Variants in EDAR observed in about 807,000 individuals in gnomAD.
The protein encoded by EDAR is tumor necrosis factor receptor superfamily member EDAR.
Under a neutral mutation model 51.3 loss-of-function variants are expected in EDAR, and 38 were observed. The ratio of observed to expected loss-of-function variants is 0.74; its 90% CI spans 0.57 to 0.97. EDAR has a LOEUF of 0.97. Ranked by LOEUF, EDAR falls within the 50% of genes least tolerant of loss-of-function variation. The pLI, the probability that EDAR is intolerant of heterozygous loss-of-function variation, is 0.00. For synonymous variants in EDAR, 227 were observed against 242.1 expected, an observed-to-expected ratio of 0.94 and a Z score of 0.58; for missense variants, 528 against 595.0, an observed-to-expected ratio of 0.89 and a Z score of 1.17.
chr2:108,921,477 T>C (rs1223532076), intron 5 of EDAR, among the ~76,000 whole-genome samples: 1 of 152,226 alleles, frequency 6.6e-6, no homozygotes, highest in East Asian at 1.9e-4. Flanking sequence ...AGAGGTGCTC[T>C]TGACCACAAC....
Position 108,910,550 on chromosome 2 carries a change from G to A in EDAR, c.731-18C>T, listed in dbSNP as rs777861610. The A allele has an allele frequency of 4.4e-6, 7 of 1,605,848 alleles. No homozygotes were observed. The African/African-American group carries it at 8.0e-5, about 18-fold the overall frequency. ...CACGTTGTCTGCAGGGAAATGGGGA[G>A]GTTGGGGAGATAGGAGTTAGAATTG... On this transcript the variant is annotated intron_variant, in intron 8 of 11. Transcript: ENST00000258443.
chr2:108,966,807 T>C (rs1698157297), intron 1 of EDAR, among the ~76,000 whole-genome samples: 1 of 152,214 alleles, frequency 6.6e-6, no homozygotes, highest in South Asian at 2.1e-4. Context: ...ATTGATTGCC[T>C]GGGGACCACT....
intron 11 of EDAR, among the ~76,000 whole-genome samples, chr2:108,905,123 A>C (rs956568279): frequency 6.6e-6 from 1 of 152,178 alleles, no homozygotes; most frequent in African/African-American, 2.4e-5. Context: ...GTGTTTGGGC[A>C]GATTGGGTGG....
In EDAR at chr2:108,931,002, C is replaced by T. The variant is rs768462602; in HGVS notation, c.13G>A (p.Gly5Arg). Reference sequence around the variant, plus strand: ...AGCCAGGGCGTCTGCGTGCAGTCCCCCACATGGGCCATCCTCTCCCAAGGG... The same window carrying T: ...AGCCAGGGCGTCTGCGTGCAGTCCCTCACATGGGCCATCCTCTCCCAAGGG... MAHV[G>R]DCTQTPWLPV... Residue 5 changes from glycine to arginine, a missense_variant, in exon 2 of 12, where the codon GGG (glycine) becomes AGG (arginine). By Grantham distance (125) the Gly-to-Arg change is moderately radical. Transcript: ENST00000258443. 1 of 1,614,016 alleles carries T rather than the reference C, an allele frequency of 6.2e-7. No individual in the cohort carries two copies. The highest frequency in any genetic ancestry group is 1.1e-5 in the South Asian group (1 of 91,082).
At chr2:108,900,632 A>T (rs1301018610) in intron 11 of EDAR, among the ~76,000 whole-genome samples, 1 of 152,128 alleles carries the variant, frequency 6.6e-6, no homozygotes, top group African/African-American at 2.4e-5. Context: ...GGTAGAGTAG[A>T]CTTAAAAATT....
At chr2:108,986,534 G>A (rs758937408) in intron 1 of EDAR, among the ~76,000 whole-genome samples, 4 of 152,108 alleles carry the variant, frequency 2.6e-5, no homozygotes, top group Non-Finnish European at 5.9e-5. Context: ...GGCTCCACAC[G>A]AGGCCTGGGC....
At chr2:108,942,068 T>C (rs373767073) in intron 1 of EDAR, among the ~76,000 whole-genome samples, 13 of 152,268 alleles carry the variant, frequency 8.5e-5, no homozygotes, top group African/African-American at 3.1e-4. Flanking sequence ...CCGGAACCTG[T>C]GTTTGGAAGT....
intron 1 of EDAR, among the ~76,000 whole-genome samples, chr2:108,956,265 G>C (rs2104386018): frequency 6.6e-6 from 1 of 152,310 alleles, no homozygotes; most frequent in African/African-American, 2.4e-5. Context: ...ACATCTTTGT[G>C]CCTGGCTGGA....
At chr2:108,987,919 T>C (rs1265953539) in intron 1 of EDAR, among the ~76,000 whole-genome samples, 1 of 152,242 alleles carries the variant, frequency 6.6e-6, no homozygotes, top group Non-Finnish European at 1.5e-5. Flanking sequence ...ACATTCTCTA[T>C]TTTAGATGCC....
At position 108,931,039 on chromosome 2, in the gene EDAR, G is replaced by C; in HGVS notation, c.-18-7C>G. On this transcript the variant is annotated splice_polypyrimidine_tract_variant and splice_region_variant and intron_variant, in intron 1 of 11. Transcript: ENST00000258443. ...TCCTCTCCCAAGGGCTCACCTGAAA[G>C]ACATGCGTCATTAGCTGGGCACTGG... 1.2e-6 allele frequency: 2 copies of C among 1,613,776 alleles called. No homozygotes were observed. Among genetic ancestry groups the C allele is most frequent in the Non-Finnish European group, 1.7e-6 (2 of 1,179,790 alleles).
intron 5 of EDAR, among the ~76,000 whole-genome samples, chr2:108,919,359 A>T (rs1697089409): frequency 6.6e-6 from 1 of 151,828 alleles, no homozygotes; most frequent in Non-Finnish European, 1.5e-5. Context: ...ACCGCTTTTT[A>T]TTTATTTATT....
At chr2:108,963,356 T>C (rs1392632356) in intron 1 of EDAR, among the ~76,000 whole-genome samples, 1 of 152,182 alleles carries the variant, frequency 6.6e-6, no homozygotes, top group Non-Finnish European at 1.5e-5. Flanking sequence ...AATCTGTTTC[T>C]AGGATGCCTA....
chr2:108,977,517 G>C (rs1222027931), intron 1 of EDAR, among the ~76,000 whole-genome samples: 1 of 152,134 alleles, frequency 6.6e-6, no homozygotes, highest in Non-Finnish European at 1.5e-5. Flanking sequence ...TGATCCGCCA[G>C]CCTCGGCCTC....
At chr2:108,907,709 G>T in intron 10 of EDAR, 151 bp downstream of exon 10, 1 of 872,902 alleles carries the variant, frequency 1.1e-6, no homozygotes, top group South Asian at 1.5e-5. Flanking sequence ...CTATCTTGCT[G>T]TGAACTTGTC....
At chr2:108,917,215 G>A (rs989136360) in intron 5 of EDAR, among the ~76,000 whole-genome samples, 1 of 152,180 alleles carries the variant, frequency 6.6e-6, no homozygotes, top group African/African-American at 2.4e-5. Flanking sequence ...TAAAAGCAAC[G>A]CGCGGCTCGT....
intron 1 of EDAR, among the ~76,000 whole-genome samples, chr2:108,965,206 G>A (rs1209070076): frequency 6.6e-6 from 1 of 152,074 alleles, no homozygotes; most frequent in African/African-American, 2.4e-5. Context: ...GGCCAGGCGC[G>A]GTGGCTCACG....
chr2:108,934,606 C>G (rs927865102), intron 1 of EDAR, among the ~76,000 whole-genome samples: 1 of 152,162 alleles, frequency 6.6e-6, no homozygotes, highest in African/African-American at 2.4e-5. Context: ...CCAAGAGCGA[C>G]TGGCTGCATC....
chr2:108,911,132 C>T lies in EDAR; in HGVS notation c.530-60G>A, dbSNP rs148157322. 3.4e-4 allele frequency: 551 copies of T among 1,607,382 alleles called. 9 individuals are homozygous for T. In the East Asian group the frequency reaches 0.012, roughly 35 times the overall value. On this transcript the variant is annotated intron_variant, in intron 6 of 11. Coordinates refer to ENST00000258443, the MANE Select transcript of EDAR (RefSeq NM_022336.4). ...CTCAGGATCCCTGCTGGTCTTCCCT[C>T]CAGGACTCCGGCCCCTGGAAGCAAT...
rs114652930 is a variant in EDAR, at chr2:108,973,963, A to G, written c.-19+14997T>C. 8.8e-3 allele frequency among the ~76,000 whole-genome samples: 1,336 copies of G among 152,312 alleles called. 20 individuals are homozygous for G. The highest frequency in any genetic ancestry group is 0.029 in the African/African-American group (1,219 of 41,544). Reference sequence around the variant, plus strand: ...ATCACCTTTGTTCACAAAAGGCTCAACAATCCACTTCCAGGAGAGTAAGAC... The same window carrying G: ...ATCACCTTTGTTCACAAAAGGCTCAGCAATCCACTTCCAGGAGAGTAAGAC... On this transcript the variant is annotated intron_variant, in intron 1 of 11. Transcript: ENST00000258443.
Sources: gnomAD v4.1 joint callset for allele counts (sites outside exome capture counted in the v4.1 genomes callset) on GRCh38, gnomAD v4.1.1 for gene constraint, MANE v1.5 for transcripts, NCBI Gene and HGNC (gene_info 2026-07-23, HGNC 2026-07-21) for gene names.